G2E3: variants seen among roughly 807,000 people sequenced by gnomAD.
G2E3 encodes the protein G2/M phase-specific E3 ubiquitin-protein ligase.
G2E3 carries 35 observed loss-of-function variants against 92.8 expected under a neutral mutation model. The observed-to-expected ratio is 0.38, with a 90% confidence interval of 0.29 to 0.50. G2E3 has a LOEUF of 0.50. Among genes scored for constraint, G2E3 ranks in the 20% least tolerant of loss-of-function variants. The pLI, the probability that G2E3 is intolerant of heterozygous loss-of-function variation, is 0.94. For missense variants in G2E3, 554 were observed against 823.8 expected (o/e 0.67, Z 4.01); for synonymous variants, 242 against 272.4 (o/e 0.89, Z 1.10).
At chr14:30,577,280 A>C (rs897512251) in intron 1 of G2E3, among the ~76,000 whole-genome samples, 1 of 150,608 alleles carries the variant, frequency 6.6e-6, no homozygotes, top group African/African-American at 2.4e-5. Flanking sequence ...GGATCTGTTT[A>C]TTTATTCAAA....
chr14:30,570,233 T>G (rs229186), intron 1 of G2E3, among the ~76,000 whole-genome samples: 7 of 152,218 alleles, frequency 4.6e-5, no homozygotes, highest in African/African-American at 1.7e-4. Flanking sequence ...ACTTCTCTCT[T>G]GCTGCTTTCA....
chr14:30,601,350 T>G (rs1230244003), intron 8 of G2E3, among the ~76,000 whole-genome samples: 1 of 152,154 alleles, frequency 6.6e-6, no homozygotes, highest in Non-Finnish European at 1.5e-5. Flanking sequence ...ATACCTGAGG[T>G]GTTTGAGCAA....
At chr14:30,574,155 C>T (rs1231872880) in intron 1 of G2E3, among the ~76,000 whole-genome samples, 1 of 152,128 alleles carries the variant, frequency 6.6e-6, no homozygotes, top group Non-Finnish European at 1.5e-5. Flanking sequence ...CTTTTCTGAA[C>T]CGTTGGAGAG....
intron 3 of G2E3, among the ~76,000 whole-genome samples, chr14:30,587,401 A>T (rs2138837629): frequency 6.6e-6 from 1 of 152,294 alleles, no homozygotes; most frequent in African/African-American, 2.4e-5. Flanking sequence ...TTAGTGGCAC[A>T]TTACCACCTT....
intron 11 of G2E3, 74 bp downstream of exon 11, chr14:30,605,886 T>C (rs757124178): frequency 5.4e-6 from 4 of 744,472 alleles, no homozygotes; most frequent in South Asian, 2.2e-5. Context: ...CTGGTTAGAA[T>C]TGATATTTAA....
chr14:30,564,198 A>G (rs1879294821), intron 1 of G2E3, among the ~76,000 whole-genome samples: 1 of 152,208 alleles, frequency 6.6e-6, no homozygotes, highest in South Asian at 2.1e-4. Flanking sequence ...ATCCATATAC[A>G]TTGTTACAGT....
chr14:30,603,293 T>C (rs1455737706), intron 10 of G2E3, among the ~76,000 whole-genome samples: 5 of 144,170 alleles, frequency 3.5e-5, no homozygotes, highest in African/African-American at 1.3e-4. Flanking sequence ...GCCACTGTAC[T>C]CCAGCCTGGT....
intron 1 of G2E3, among the ~76,000 whole-genome samples, chr14:30,576,449 C>CTTAT (rs1880095964): frequency 6.6e-6 from 1 of 152,116 alleles, no homozygotes; most frequent in African/African-American, 2.4e-5. Flanking sequence ...TCATCCTGGA[C>CTTAT]ATAAGAATGG....
At chr14:30,610,708 C>A (rs1189594350) in intron 12 of G2E3, among the ~76,000 whole-genome samples, 1 of 152,146 alleles carries the variant, frequency 6.6e-6, no homozygotes, top group Non-Finnish European at 1.5e-5. Flanking sequence ...GGCTAAACTT[C>A]TGTATCTCAT....
At position 30,593,711 on chromosome 14, in the gene G2E3, A is replaced by G; in HGVS notation, c.528+72A>G. ...GGCTTGCTGATTTAAATTTTAAATT[A>G]GAAAGAATTGACGTGTATATTACCT... On this transcript the variant is annotated intron_variant, in intron 6 of 14. Transcript: ENST00000206595. The G allele has an allele frequency of 2.7e-6, 3 of 1,109,976 alleles. 1 individual carries two copies. In the South Asian group the frequency reaches 4.1e-5, roughly 15 times the overall value. The allele number at this position is 1,109,976 out of a possible 1,614,324, so 68.8% of individuals were successfully genotyped here. A position where few individuals can be genotyped will look rare whatever the true frequency, so the allele number is the denominator to read the frequency against.
intron 8 of G2E3, among the ~76,000 whole-genome samples, chr14:30,601,284 G>A (rs1262363518): frequency 6.6e-6 from 1 of 152,228 alleles, no homozygotes; most frequent in African/African-American, 2.4e-5. Context: ...GCTGGGAACA[G>A]ATGACAGAGA....
At chr14:30,594,128 T>A (rs1316797334) in intron 6 of G2E3, among the ~76,000 whole-genome samples, 1 of 152,132 alleles carries the variant, frequency 6.6e-6, no homozygotes, top group Non-Finnish European at 1.5e-5. Context: ...TCTTTGAGAG[T>A]CATCTTACGT....
chr14:30,575,066 C>T (rs1879994005), intron 1 of G2E3, among the ~76,000 whole-genome samples: 1 of 152,170 alleles, frequency 6.6e-6, no homozygotes, highest in Admixed American at 6.5e-5. Context: ...TTCCTTTTCT[C>T]CACAACCTTA....
chr14:30,576,836 T>TA (rs149000182), intron 1 of G2E3, among the ~76,000 whole-genome samples: 2,247 of 152,194 alleles, frequency 0.015, 47 homozygotes, highest in African/African-American at 0.052. Flanking sequence ...AATGCTAGAT[T>TA]AAAAAAATCA....
chr14:30,611,845 G>A (rs229240), intron 12 of G2E3: 75,592 of 158,656 alleles, frequency 0.48, 21,285 homozygotes, highest in African/African-American at 0.79. Flanking sequence ...TTAGAGGGGG[G>A]CTAGCTGTGT....
At chr14:30,587,996 T>C (rs1010728094) in intron 3 of G2E3, among the ~76,000 whole-genome samples, 9 of 152,196 alleles carry the variant, frequency 5.9e-5, no homozygotes, top group African/African-American at 2.2e-4. Context: ...ATTTCAGTGC[T>C]TCTTTGAGAA....
At chr14:30,575,705 G>A (rs969884350) in intron 1 of G2E3, among the ~76,000 whole-genome samples, 6 of 152,138 alleles carry the variant, frequency 3.9e-5, no homozygotes, top group Non-Finnish European at 7.4e-5. Context: ...AAATTCACTA[G>A]CATTCCTATA....
At chr14:30,572,678 A>C (rs981526345) in intron 1 of G2E3, among the ~76,000 whole-genome samples, 2 of 152,166 alleles carry the variant, frequency 1.3e-5, no homozygotes, top group Admixed American at 1.3e-4. Flanking sequence ...GATGATATCT[A>C]ATCTTATATT....
chr14:30,612,216 G>A lies in G2E3; in HGVS notation c.1510G>A (p.Ala504Thr). The change falls in exon 13 of 15, where the codon GCA becomes ACA. Residue 504 changes from alanine to threonine, a missense_variant. Around this residue, in one of 3 missense-constraint regions of G2E3, gnomAD observed 397 missense variants for 560.3 expected, o/e 0.71. Transcript: ENST00000206595. ...VAQIIIRINT[A>T]TTVADLKSII... ...TTCTCCTTCATTACAGATAAATACT[G>A]CAACAACTGTAGCTGACTTAAAGTC... is the stretch of plus-strand genomic sequence containing the variant. 1 of 1,608,474 alleles carries A rather than the reference G, an allele frequency of 6.2e-7. No individual in the cohort carries two copies.
Sources: gnomAD v4.1 joint callset for allele counts (sites outside exome capture counted in the v4.1 genomes callset) on GRCh38, gnomAD v4.1.1 for gene constraint, gnomAD v4.1.1 regional missense constraint, MANE v1.5 for transcripts, NCBI Gene and HGNC (gene_info 2026-07-23, HGNC 2026-07-21) for gene names.